Variants in LIMCH1 observed in about 807,000 individuals in gnomAD.
LIMCH1 encodes the protein LIM and calponin homology domains-containing protein 1.
LIMCH1 carries 113 observed loss-of-function variants against 176.5 expected under a neutral mutation model. The ratio of observed to expected loss-of-function variants is 0.64; its 90% CI spans 0.55 to 0.75. The LOEUF (loss-of-function observed/expected upper bound fraction) is 0.75, where lower values mean the gene tolerates loss of function less well. Among genes scored for constraint, LIMCH1 ranks in the 30% least tolerant of loss-of-function variants. The pLI, the probability that LIMCH1 is intolerant of heterozygous loss-of-function variation, is 0.00. For missense variants in LIMCH1, 1,674 were observed against 1,814.9 expected (o/e 0.92, Z 1.41); for synonymous variants, 619 against 645.9 (o/e 0.96, Z 0.63).
intron 1 of LIMCH1, among the ~76,000 whole-genome samples, chr4:41,596,048 C>CAAAAAA (rs1452167402): frequency 9.9e-6 from 1 of 100,694 alleles, no homozygotes; most frequent in African/African-American, 6.9e-5. Flanking sequence ...GACTCCATCT[C>CAAAAAA]AAAAAAAAAA....
intron 1 of LIMCH1, among the ~76,000 whole-genome samples, chr4:41,363,813 T>A (rs2052537946): frequency 6.6e-6 from 1 of 152,198 alleles, no homozygotes; most frequent in Non-Finnish European, 1.5e-5. Flanking sequence ...TCCTAGTGAC[T>A]TTTTATAGCT....
chr4:41,443,589 T>C (rs1451206888), intron 1 of LIMCH1, among the ~76,000 whole-genome samples: 2 of 152,222 alleles, frequency 1.3e-5, no homozygotes, highest in African/African-American at 4.8e-5. Context: ...AACCTTCACA[T>C]GTGATCCAAA....
intron 1 of LIMCH1, among the ~76,000 whole-genome samples, chr4:41,379,732 T>G (rs189769915): frequency 6.6e-6 from 1 of 152,240 alleles, no homozygotes; most frequent in Admixed American, 6.5e-5. Context: ...AGATAAATGA[T>G]GACGGTAAGA....
chr4:41,513,777 G>T (rs1338934484), intron 2 of LIMCH1, among the ~76,000 whole-genome samples: 1 of 152,042 alleles, frequency 6.6e-6, no homozygotes, highest in African/African-American at 2.4e-5. Context: ...GGCCAAGGCG[G>T]GCGGATCACC....
intron 1 of LIMCH1, among the ~76,000 whole-genome samples, chr4:41,382,636 C>T (rs1394040834): frequency 3.3e-5 from 5 of 152,112 alleles, no homozygotes; most frequent in African/African-American, 9.7e-5. Context: ...AACTTGGTAA[C>T]CTGTACATTG....
chr4:41,686,139 A>G (rs1720575877), intron 28 of LIMCH1, among the ~76,000 whole-genome samples: 1 of 152,226 alleles, frequency 6.6e-6, no homozygotes, highest in South Asian at 2.1e-4. Flanking sequence ...AAATTGCCTC[A>G]GAGCCTGTGG....
chr4:41,375,494 G>A (rs2054603037), intron 1 of LIMCH1, among the ~76,000 whole-genome samples: 2 of 152,220 alleles, frequency 1.3e-5, no homozygotes, highest in South Asian at 2.1e-4. Context: ...CTGAATTACT[G>A]TAACTTTAAA....
intron 1 of LIMCH1, among the ~76,000 whole-genome samples, chr4:41,552,420 A>C (rs1304865684): frequency 6.6e-6 from 1 of 152,134 alleles, no homozygotes; most frequent in East Asian, 1.9e-4. Flanking sequence ...ATCAGGATCC[A>C]TCTGAGAGGA....
At chr4:41,542,422 A>G (rs1022344174) in intron 1 of LIMCH1, among the ~76,000 whole-genome samples, 1 of 151,606 alleles carries the variant, frequency 6.6e-6, no homozygotes, top group Non-Finnish European at 1.5e-5. Flanking sequence ...AGTCAGGGTA[A>G]TTAAGGACTA....
intron 3 of LIMCH1, among the ~76,000 whole-genome samples, chr4:41,533,109 G>C (rs572882572): frequency 6.6e-6 from 1 of 152,126 alleles, no homozygotes; most frequent in Non-Finnish European, 1.5e-5. Context: ...TCTTTCTATA[G>C]AACAGCTTAC....
At position 41,629,672 on chromosome 4, in the gene LIMCH1, C is replaced by G. The variant is rs1056817817; in HGVS notation, c.1209C>G (p.Leu403=). 7.8e-6 allele frequency: 12 copies of G among 1,535,990 alleles called. No homozygotes were observed. The highest frequency in any genetic ancestry group is 1.7e-4 in the Middle Eastern group (1 of 6,012). ...GCGAGCCCCCGAGCTTCATTACGCT[C>G]TCCAACATAACAGAAGCTGACTTGG... ...PHREPPSFIT[L]SNITEADLET... is the part of the protein sequence containing the mutation. The change falls in exon 9 of 32, where the codon CTC becomes CTG. Residue 403 remains leucine, a synonymous_variant. Transcript: ENST00000503057.
intron 18 of LIMCH1, among the ~76,000 whole-genome samples, chr4:41,657,159 T>C (rs1263313098): frequency 6.6e-6 from 1 of 152,260 alleles, no homozygotes; most frequent in Non-Finnish European, 1.5e-5. Context: ...GCAACCTTTC[T>C]GTGCTCTCAT....
intron 1 of LIMCH1, among the ~76,000 whole-genome samples, chr4:41,554,960 G>C (rs535332054): frequency 6.6e-6 from 1 of 152,266 alleles, no homozygotes; most frequent in East Asian, 1.9e-4. Context: ...TCAGTAGTCA[G>C]GATTAAAAGG....
chr4:41,364,794 G>A (rs1197702020), intron 1 of LIMCH1, among the ~76,000 whole-genome samples: 1 of 152,126 alleles, frequency 6.6e-6, no homozygotes, highest in Non-Finnish European at 1.5e-5. Flanking sequence ...TCATCTAAAT[G>A]CAGCAGAATT....
intron 1 of LIMCH1, among the ~76,000 whole-genome samples, chr4:41,396,516 C>G (rs1337565602): frequency 6.6e-6 from 1 of 151,882 alleles, no homozygotes; most frequent in South Asian, 2.1e-4. Flanking sequence ...TTGTATTGTG[C>G]GGGTTTTTTT....
intron 1 of LIMCH1, among the ~76,000 whole-genome samples, chr4:41,436,755 G>T (rs1380927164): frequency 6.6e-6 from 1 of 152,042 alleles, no homozygotes. Flanking sequence ...GGGAAACTAG[G>T]ATTTTGTCAG....
chr4:41,434,917 A>G (rs908626283), intron 1 of LIMCH1, among the ~76,000 whole-genome samples: 3 of 152,236 alleles, frequency 2.0e-5, no homozygotes, highest in African/African-American at 7.2e-5. Context: ...AGGAGTAAAT[A>G]TTTGCCAGAC....
At chr4:41,456,967 C>G (rs1033344199) in intron 1 of LIMCH1, among the ~76,000 whole-genome samples, 2 of 152,118 alleles carry the variant, frequency 1.3e-5, no homozygotes, top group Non-Finnish European at 2.9e-5. Flanking sequence ...TATTCTCTTC[C>G]TATGTAAGAG....
At chr4:41,652,948 A>G (rs1016797668) in intron 18 of LIMCH1, among the ~76,000 whole-genome samples, 2 of 152,206 alleles carry the variant, frequency 1.3e-5, no homozygotes, top group Non-Finnish European at 2.9e-5. Flanking sequence ...GAAATTGCCT[A>G]GTTCAGAGTA....
Sources: allele counts gnomAD v4.1 joint callset (sites outside exome capture counted in the v4.1 genomes callset), GRCh38; gene constraint gnomAD v4.1.1; transcripts MANE v1.5; gene names NCBI Gene and HGNC (gene_info 2026-07-23, HGNC 2026-07-21).